The following PTPRM variants were observed in gnomAD, a reference collection of about 807,000 sequenced individuals.
PTPRM encodes receptor-type tyrosine-protein phosphatase mu.
Under a neutral mutation model 186.7 loss-of-function variants are expected in PTPRM, and 47 were observed. That is an observed-to-expected ratio of 0.25 (90% CI 0.20 to 0.32). PTPRM has a LOEUF of 0.32. Ranked by LOEUF, PTPRM falls within the 10% of genes least tolerant of loss-of-function variation. PTPRM has a pLI of 1.00. For missense variants in PTPRM, 1,494 were observed against 1,865.0 expected (o/e 0.80, Z 3.66); for synonymous variants, 668 against 674.9 (o/e 0.99, Z 0.16).
intron 1 of PTPRM, among the ~76,000 whole-genome samples, chr18:7,759,126 T>TC (rs2041648977): frequency 6.6e-6 from 1 of 152,210 alleles, no homozygotes; most frequent in Admixed American, 6.5e-5. Flanking sequence ...CTGTGAAGCC[T>TC]CCTCTAGGCA....
At chr18:7,607,834 C>T (rs1326983162) in intron 1 of PTPRM, among the ~76,000 whole-genome samples, 1 of 152,218 alleles carries the variant, frequency 6.6e-6, no homozygotes, top group African/African-American at 2.4e-5. Context: ...ATATCAAAGC[C>T]CCCACACTGA....
rs1489940177 is a variant in PTPRM, at chr18:7,822,852, C to G, written c.196+48581C>G. ...ATTCTTGGCCGTCCTCTCTTGTTTTCACACTGCCTTTTGCACTTCCTTTCC... is the reference window on the plus strand; with the variant it reads ...ATTCTTGGCCGTCCTCTCTTGTTTTGACACTGCCTTTTGCACTTCCTTTCC... On this transcript the variant is annotated intron_variant, in intron 2 of 32. Transcript: ENST00000580170. Among the ~76,000 whole-genome samples, 3 of 152,184 alleles carry G rather than the reference C, an allele frequency of 2.0e-5. No homozygotes were observed. The East Asian group carries it at 5.8e-4, about 29-fold the overall frequency.
At chr18:8,108,199 C>G (rs1460338254) in intron 11 of PTPRM, among the ~76,000 whole-genome samples, 1 of 152,064 alleles carries the variant, frequency 6.6e-6, no homozygotes, top group Non-Finnish European at 1.5e-5. Context: ...AATATCTATT[C>G]TTTTTATACA....
chr18:7,580,909 A>G (rs2036827683), intron 1 of PTPRM, among the ~76,000 whole-genome samples: 1 of 152,226 alleles, frequency 6.6e-6, no homozygotes, highest in South Asian at 2.1e-4. Flanking sequence ...CTAGGAAGAT[A>G]TTAAGTGATG....
At chr18:8,388,801 A>G (rs955248919) in intron 31 of PTPRM, among the ~76,000 whole-genome samples, 1 of 152,140 alleles carries the variant, frequency 6.6e-6, no homozygotes, top group African/African-American at 2.4e-5. Context: ...CTCTACTAAA[A>G]ACACAAAAAA....
chr18:8,023,050 A>G (rs2085330259), intron 7 of PTPRM, among the ~76,000 whole-genome samples: 1 of 152,186 alleles, frequency 6.6e-6, no homozygotes, highest in South Asian at 2.1e-4. Flanking sequence ...CATGGGAGCC[A>G]GAAGTCACAA....
At chr18:8,003,849 TG>T (rs2084014367) in intron 7 of PTPRM, among the ~76,000 whole-genome samples, 2 of 152,352 alleles carry the variant, frequency 1.3e-5, no homozygotes, top group South Asian at 4.1e-4. Context: ...GCCTTCTGTC[TG>T]TGACCATTCT....
chr18:8,075,825 C>T (rs2089777651), intron 8 of PTPRM, among the ~76,000 whole-genome samples: 1 of 151,994 alleles, frequency 6.6e-6, no homozygotes. Context: ...ATATTTTTAG[C>T]ATGGTTTTAT....
At chr18:8,310,302 G>A (rs182022636) in intron 20 of PTPRM, among the ~76,000 whole-genome samples, 13 of 151,484 alleles carry the variant, frequency 8.6e-5, no homozygotes, top group East Asian at 3.9e-4. Context: ...CTTCCAGTTC[G>A]TCCTCAACAA....
intron 1 of PTPRM, among the ~76,000 whole-genome samples, chr18:7,718,226 C>T (rs528735325): frequency 3.4e-4 from 52 of 152,186 alleles, no homozygotes; most frequent in African/African-American, 1.1e-3. Context: ...ACACATAGAA[C>T]AATGAAACAT....
chr18:8,228,120 G>C (rs890560048), intron 14 of PTPRM, among the ~76,000 whole-genome samples: 1 of 152,212 alleles, frequency 6.6e-6, no homozygotes, highest in Non-Finnish European at 1.5e-5. Context: ...CCAAGTGGAG[G>C]GTGTTGTTTC....
At chr18:7,762,211 A>G (rs1434836311) in intron 1 of PTPRM, among the ~76,000 whole-genome samples, 2 of 152,144 alleles carry the variant, frequency 1.3e-5, no homozygotes, top group African/African-American at 4.8e-5. Context: ...TGGTTACCAC[A>G]TGGGAAGGAG....
chr18:8,394,491 C>T lies in PTPRM; in HGVS notation c.4224C>T (p.Arg1408=), dbSNP rs780704752. The T allele has an allele frequency of 1.9e-6, 3 of 1,612,074 alleles. No homozygotes were observed. Among genetic ancestry groups the T allele is most frequent in the Non-Finnish European group, 2.5e-6 (3 of 1,179,046 alleles). ...TVVHCLNGGG[R]SGTFCAISIV... ...TTCACGACAGGAACGGGGGAGGCCG[C>T]AGTGGGACGTTCTGCGCCATCAGCA... The change falls in exon 32 of 33, where the codon CGC becomes CGT. Residue 1408 remains arginine, a synonymous_variant. Coordinates refer to ENST00000580170, the MANE Select transcript of PTPRM (RefSeq NM_001105244.2).
intron 1 of PTPRM, among the ~76,000 whole-genome samples, chr18:7,571,264 C>G (rs551499643): frequency 6.6e-6 from 1 of 152,000 alleles, no homozygotes; most frequent in Non-Finnish European, 1.5e-5. Context: ...TTATCATTAC[C>G]GTTTCTAATT....
At chr18:8,206,594 C>T (rs1412606459) in intron 14 of PTPRM, among the ~76,000 whole-genome samples, 2 of 152,084 alleles carry the variant, frequency 1.3e-5, no homozygotes, top group Non-Finnish European at 2.9e-5. Context: ...CTAAAGTAAT[C>T]CATTCAAATT....
intron 1 of PTPRM, among the ~76,000 whole-genome samples, chr18:7,583,098 T>A (rs2036887878): frequency 6.6e-6 from 1 of 152,214 alleles, no homozygotes; most frequent in African/African-American, 2.4e-5. Flanking sequence ...AGCAATAACC[T>A]TGCCTTGTAT....
intron 32 of PTPRM, among the ~76,000 whole-genome samples, 173 bp downstream of exon 32, chr18:8,394,784 C>T (rs1279806472): frequency 2.0e-5 from 3 of 152,154 alleles, no homozygotes; most frequent in African/African-American, 7.2e-5. Context: ...CTCCCTCTTC[C>T]TCTCTTTGTT....
At chr18:8,005,746 C>T (rs1382921365) in intron 7 of PTPRM, among the ~76,000 whole-genome samples, 1 of 152,162 alleles carries the variant, frequency 6.6e-6, no homozygotes, top group Non-Finnish European at 1.5e-5. Context: ...CCTCTGATTA[C>T]AGTTCTCAAA....
At chr18:8,291,216 A>G (rs968571502) in intron 19 of PTPRM, among the ~76,000 whole-genome samples, 3 of 152,190 alleles carry the variant, frequency 2.0e-5, no homozygotes, top group African/African-American at 7.2e-5. Flanking sequence ...GCCTGAACAT[A>G]ATTCTGACAA....
Sources: allele counts gnomAD v4.1 joint callset (sites outside exome capture counted in the v4.1 genomes callset), GRCh38; gene constraint gnomAD v4.1.1; transcripts MANE v1.5; gene names NCBI Gene and HGNC (gene_info 2026-07-23, HGNC 2026-07-21).